The following DMXL1 variants were observed in gnomAD, a reference collection of about 807,000 sequenced individuals.
The protein encoded by DMXL1 is dmX-like protein 1.
Under a neutral mutation model 319.2 loss-of-function variants are expected in DMXL1, and 99 were observed. The observed-to-expected ratio is 0.31, with a 90% CI of 0.26 to 0.37. DMXL1 has a LOEUF of 0.37. Among genes scored for constraint, DMXL1 ranks in the 10% least tolerant of loss-of-function variants. DMXL1 has a pLI of 1.00. For synonymous variants in DMXL1, 1,385 were observed against 1,235.2 expected (o/e 1.12, Z -2.54); for missense variants, 3,745 against 3,595.6 (o/e 1.04, Z -1.06).
At position 119,071,469 on chromosome 5, in the gene DMXL1, CGAAGAGCGGCCGCCGCCCCT is replaced by C. The variant is rs1173944926; in HGVS notation, c.-98_-79del. 1.1e-4 allele frequency: 135 copies of C among 1,230,486 alleles called. No individual in the cohort carries two copies. Among genetic ancestry groups the C allele is most frequent in the Non-Finnish European group, 1.5e-4 (126 of 861,884 alleles). 76.2% of individuals were successfully genotyped at this position (1,230,486 alleles called of 1,614,324 possible). On this transcript the variant is annotated 5_prime_UTR_variant, in exon 1 of 44. An upstream open reading frame in the 5' UTR loses its in-frame stop. Coordinates refer to ENST00000539542, the MANE Select transcript of DMXL1 (RefSeq NM_001290321.3). ...CTGTCGCTGCTTCTGCCGTCGCCAC[CGAAGAGCGGCCGCCGCCCCT>C]GAGGGAAGGAGGGAGGGAAGCAGCC...
chr5:119,208,600 GCT>G (rs1357978929), intron 34 of DMXL1, among the ~76,000 whole-genome samples: 2 of 152,136 alleles, frequency 1.3e-5, no homozygotes, highest in African/African-American at 4.8e-5. Flanking sequence ...TCTATAGTCA[GCT>G]TCATGCTACG....
In DMXL1 at chr5:119,101,787, A is replaced by G. The variant is rs1048907369; in HGVS notation, c.214-148A>G. On this transcript the variant is annotated intron_variant, in intron 2 of 43. Transcript: ENST00000539542. ...GTTCTAGGATTCTAATGCAGATGTG[A>G]TAGTCTTCAAAACTGACATTCTTAA... 20 of 618,354 alleles carry G rather than the reference A, an allele frequency of 3.2e-5. No individual in the cohort carries two copies. The African/African-American group carries it at 3.6e-4, about 11-fold the overall frequency. 38.3% of individuals were successfully genotyped at this position (618,354 alleles called of 1,614,324 possible). A position where few individuals can be genotyped will look rare whatever the true frequency, so the allele number is the denominator to read the frequency against.
At chr5:119,083,370 C>G (rs1474998706) in intron 1 of DMXL1, among the ~76,000 whole-genome samples, 2 of 151,994 alleles carry the variant, frequency 1.3e-5, no homozygotes, top group African/African-American at 4.8e-5. Context: ...TGTACATATA[C>G]TACATTTTTT....
At chr5:119,163,658 G>A (rs777901218) in intron 19 of DMXL1, among the ~76,000 whole-genome samples, 5 of 152,122 alleles carry the variant, frequency 3.3e-5, no homozygotes, top group East Asian at 1.9e-4. Flanking sequence ...GCACAATCTC[G>A]GCTCACTGCA....
chr5:119,168,007 T>A, intron 23 of DMXL1, 143 bp downstream of exon 23: 1 of 706,666 alleles, frequency 1.4e-6, no homozygotes, highest in Non-Finnish European at 2.1e-6. Flanking sequence ...GTTGTTTGGT[T>A]TTTTTCTCCA....
At chr5:119,159,984 A>T (rs1365443866) in intron 19 of DMXL1, among the ~76,000 whole-genome samples, 3 of 152,178 alleles carry the variant, frequency 2.0e-5, no homozygotes, top group Admixed American at 6.5e-5. Flanking sequence ...AGAAAACTGG[A>T]AAGTGTTCAG....
chr5:119,155,109 C>T (rs1027313338), intron 19 of DMXL1, among the ~76,000 whole-genome samples: 9 of 152,210 alleles, frequency 5.9e-5, no homozygotes, highest in Admixed American at 2.6e-4. Context: ...GACCTGTTCA[C>T]GCAAGAGCTC....
At chr5:119,139,538 C>G (rs569245641) in intron 13 of DMXL1, among the ~76,000 whole-genome samples, 6 of 152,264 alleles carry the variant, frequency 3.9e-5, no homozygotes, top group African/African-American at 1.4e-4. Flanking sequence ...AAGGGCATTA[C>G]ACAATGGTAA....
chr5:119,079,415 A>G (rs932734036), intron 1 of DMXL1, among the ~76,000 whole-genome samples: 5 of 152,186 alleles, frequency 3.3e-5, no homozygotes, highest in African/African-American at 1.2e-4. Context: ...AGTTATCTCT[A>G]CTTTTTTCTT....
chr5:119,243,059 CCATGAAGGGG>C (rs1482771906), intron 42 of DMXL1, among the ~76,000 whole-genome samples: 1 of 152,048 alleles, frequency 6.6e-6, no homozygotes, highest in Non-Finnish European at 1.5e-5. Context: ...GGAGAATTGA[CCATGAAGGGG>C]CATGAAGGAA....
At chr5:119,171,419 A>G (rs1774519133) in intron 24 of DMXL1, 139 bp downstream of exon 24, 1 of 829,620 alleles carries the variant, frequency 1.2e-6, no homozygotes, top group Non-Finnish European at 1.8e-6. Context: ...GTGGTCCTTC[A>G]TATTATGAAT....
Position 119,177,458 on chromosome 5 carries a change from C to T in DMXL1, c.6860C>T (p.Pro2287Leu). 1 of 1,608,630 alleles carries T rather than the reference C, an allele frequency of 6.2e-7. No homozygotes were observed. Among genetic ancestry groups the T allele is most frequent in the Non-Finnish European group, 8.5e-7 (1 of 1,176,902 alleles). Residue 2287 changes from proline to leucine, a missense_variant, in exon 27 of 44, where the codon CCC becomes CTC. By Grantham distance (98) the Pro-to-Leu change is moderately conservative. Transcript: ENST00000539542. ...GGAAGCTTAGATGAAGCATTAACTC[C>T]CAATACGTCACCAGCTCAATGGCCA... ...KTGSLDEALT[P>L]NTSPAQWPGI...
At chr5:119,153,906 G>A (rs1194649196) in intron 19 of DMXL1, among the ~76,000 whole-genome samples, 1 of 152,222 alleles carries the variant, frequency 6.6e-6, no homozygotes, top group African/African-American at 2.4e-5. Context: ...TTTTCCAACA[G>A]CATGTGTTCA....
intron 9 of DMXL1, among the ~76,000 whole-genome samples, chr5:119,125,755 G>A (rs1001637805): frequency 1.3e-4 from 20 of 151,958 alleles, no homozygotes; most frequent in Middle Eastern, 3.4e-3. Flanking sequence ...TAATAAAGGC[G>A]GGGTTTCACC....
intron 13 of DMXL1, among the ~76,000 whole-genome samples, chr5:119,134,925 T>C (rs895104719): frequency 1.3e-5 from 2 of 152,256 alleles, no homozygotes; most frequent in Admixed American, 1.3e-4. Flanking sequence ...TTTTCTGGTT[T>C]TGGCGATTTT....
At chr5:119,179,285 T>A (rs988469142) in intron 28 of DMXL1, among the ~76,000 whole-genome samples, 2 of 144,542 alleles carry the variant, frequency 1.4e-5, no homozygotes, top group African/African-American at 5.1e-5. Flanking sequence ...TTGAATAAAT[T>A]GAAAATGTTA....
At chr5:119,089,855 A>T (rs997141728) in intron 1 of DMXL1, among the ~76,000 whole-genome samples, 1 of 146,422 alleles carries the variant, frequency 6.8e-6, no homozygotes, top group Non-Finnish European at 1.5e-5. Context: ...TGAACTCCAC[A>T]CCTCAGGTGA....
intron 32 of DMXL1, among the ~76,000 whole-genome samples, chr5:119,198,852 C>T (rs1780143501): frequency 6.6e-6 from 1 of 152,200 alleles, no homozygotes; most frequent in African/African-American, 2.4e-5. Flanking sequence ...CAAATTATTT[C>T]ATCACTCAGG....
Position 119,133,868 on chromosome 5 carries a change from A to G in DMXL1, c.1944A>G (p.Val648=). ...TTAATGATTTAGCTTGCCACTCAGT[A>G]TTACCATTATTGCTGACAACATCAC... The part of the protein sequence containing the change: ...FHLNDLACHS[V]LPLLLTTSHH... The change falls in exon 12 of 44, where the codon GTA becomes GTG. Residue 648 remains valine (V), a synonymous_variant. Transcript: ENST00000539542. 1.2e-6 allele frequency: 2 copies of G among 1,614,184 alleles called. No individual in the cohort carries two copies. The highest frequency in any genetic ancestry group is 1.7e-6 in the Non-Finnish European group (2 of 1,180,032).
Sources: gnomAD v4.1 joint callset for allele counts (sites outside exome capture counted in the v4.1 genomes callset) on GRCh38, gnomAD v4.1.1 for gene constraint, MANE v1.5 for transcripts, NCBI Gene and HGNC (gene_info 2026-07-23, HGNC 2026-07-21) for gene names.